Variants in ULK4 observed in about 807,000 individuals in gnomAD.
ULK4 encodes unc-51 like kinase 4, also known as inactive serine/threonine-protein kinase ULK4.
A neutral mutation model predicts 160.6 loss-of-function variants in ULK4; 133 were observed. That is an observed-to-expected ratio of 0.83 (90% confidence interval 0.72 to 0.96). ULK4 has a LOEUF of 0.96. Ranked by LOEUF, ULK4 falls within the 40% of genes least tolerant of loss-of-function variation. The pLI, the probability that ULK4 is intolerant of heterozygous loss-of-function variation, is 0.00. For synonymous variants in ULK4, 534 were observed against 539.8 expected (o/e 0.99, Z 0.15); for missense variants, 1,580 against 1,499.5 (o/e 1.05, Z -0.89).
rs115449137 is a variant in ULK4, at chr3:41,907,726, A to G, written c.1182+119T>C. ...CTTACAAGAAAAACCTATAATGATC[A>G]GCAAAGATGACCTTATTGTAAATTT... On this transcript the variant is annotated intron_variant, in intron 12 of 36. Coordinates refer to ENST00000301831, the MANE Select transcript of ULK4 (RefSeq NM_017886.4). 5.3e-3 allele frequency: 2,954 copies of G among 556,250 alleles called. 68 individuals are homozygous for G. The highest frequency in any genetic ancestry group is 0.053 in the African/African-American group (2,710 of 51,256). The allele number at this position is 556,250 out of a possible 1,614,324, so 34.5% of individuals were successfully genotyped here.
intron 32 of ULK4, among the ~76,000 whole-genome samples, chr3:41,494,010 A>G (rs1448307262): frequency 1.4e-5 from 2 of 145,190 alleles, no homozygotes; most frequent in African/African-American, 2.5e-5. Flanking sequence ...ACAAGGAGGA[A>G]CTGGTACCAT....
intron 35 of ULK4, among the ~76,000 whole-genome samples, chr3:41,380,960 A>G (rs1188795624): frequency 3.3e-5 from 5 of 152,054 alleles, no homozygotes; most frequent in Admixed American, 2.6e-4. Context: ...GGCCTGGAGA[A>G]GGCTCCTTGG....
intron 35 of ULK4, among the ~76,000 whole-genome samples, chr3:41,319,648 C>T (rs2080211389): frequency 1.3e-5 from 2 of 152,208 alleles, no homozygotes; most frequent in South Asian, 4.1e-4. Flanking sequence ...ATTTTTTAAA[C>T]ATCTAACATT....
At chr3:41,639,191 T>TAG (rs1255135908) in intron 30 of ULK4, among the ~76,000 whole-genome samples, 2 of 152,180 alleles carry the variant, frequency 1.3e-5, no homozygotes, top group African/African-American at 4.8e-5. Context: ...GTTTCTGAAT[T>TAG]AGCTGTATGA....
chr3:41,888,017 T>G (rs1203732373), intron 16 of ULK4, among the ~76,000 whole-genome samples: 1 of 150,668 alleles, frequency 6.6e-6, no homozygotes, highest in Non-Finnish European at 1.5e-5. Flanking sequence ...AAAAAAAAAA[T>G]GTTTTTAATT....
At chr3:41,574,598 G>C (rs1222452541) in intron 31 of ULK4, among the ~76,000 whole-genome samples, 1 of 139,508 alleles carries the variant, frequency 7.2e-6, no homozygotes, top group Non-Finnish European at 1.5e-5. Flanking sequence ...CTGCAGTGCA[G>C]TGGCAAGATC....
At chr3:41,428,594 A>T (rs2082830939) in intron 34 of ULK4, among the ~76,000 whole-genome samples, 2 of 152,174 alleles carry the variant, frequency 1.3e-5, no homozygotes, top group Non-Finnish European at 2.9e-5. Context: ...GGAATAGAAT[A>T]GAGATCTCAG....
chr3:41,861,808 C>G (rs1227819777), intron 17 of ULK4, among the ~76,000 whole-genome samples: 1 of 151,986 alleles, frequency 6.6e-6, no homozygotes, highest in Admixed American at 6.6e-5. Context: ...TTTTCTAGAT[C>G]TTGTAGGCGT....
intron 5 of ULK4, among the ~76,000 whole-genome samples, chr3:41,927,855 G>C (rs1244944104): frequency 2.6e-5 from 4 of 151,656 alleles, no homozygotes; most frequent in African/African-American, 9.7e-5. Context: ...GATTCATAAA[G>C]CAAGTTCTTA....
At chr3:41,305,661 G>C (rs371920293) in intron 35 of ULK4, among the ~76,000 whole-genome samples, 2 of 152,046 alleles carry the variant, frequency 1.3e-5, no homozygotes, top group East Asian at 3.9e-4. Context: ...GAAGTGAGGA[G>C]CGTCTCTGCC....
At chr3:41,372,605 C>T (rs1366651330) in intron 35 of ULK4, among the ~76,000 whole-genome samples, 1 of 152,142 alleles carries the variant, frequency 6.6e-6, no homozygotes, top group African/African-American at 2.4e-5. Context: ...GATTTTGTCA[C>T]CACCAGGCCT....
At chr3:41,349,088 T>C (rs1487081936) in intron 35 of ULK4, among the ~76,000 whole-genome samples, 4 of 152,208 alleles carry the variant, frequency 2.6e-5, no homozygotes, top group African/African-American at 9.6e-5. Context: ...TGATGCATTC[T>C]GAGCACATCT....
chr3:41,882,204 A>G, intron 17 of ULK4: 1 of 703,046 alleles, frequency 1.4e-6, no homozygotes. Context: ...CTATACATAC[A>G]CAAGGCACTG....
intron 22 of ULK4, among the ~76,000 whole-genome samples, chr3:41,730,550 T>C (rs1308837767): frequency 6.6e-6 from 1 of 152,116 alleles, no homozygotes; most frequent in Non-Finnish European, 1.5e-5. Flanking sequence ...ATACACGCAG[T>C]CTATCAAAAT....
intron 31 of ULK4, among the ~76,000 whole-genome samples, chr3:41,575,147 C>T (rs1379044820): frequency 6.6e-6 from 1 of 152,170 alleles, no homozygotes; most frequent in East Asian, 1.9e-4. Flanking sequence ...GGGTGAGAAA[C>T]AGGGAAGGGA....
intron 4 of ULK4, among the ~76,000 whole-genome samples, chr3:41,933,950 A>C (rs879350933): frequency 1.3e-5 from 2 of 152,118 alleles, no homozygotes; most frequent in Non-Finnish European, 2.9e-5. Flanking sequence ...AGGCAGGAGA[A>C]TCGCTTGAAC....
chr3:41,643,123 T>G (rs1184799184), intron 30 of ULK4, among the ~76,000 whole-genome samples: 1 of 152,216 alleles, frequency 6.6e-6, no homozygotes, highest in Non-Finnish European at 1.5e-5. Flanking sequence ...TGTGAAAATT[T>G]TCTCCCATTT....
intron 34 of ULK4, among the ~76,000 whole-genome samples, chr3:41,454,479 G>C (rs2083494913): frequency 6.8e-6 from 1 of 147,306 alleles, no homozygotes; most frequent in Admixed American, 6.9e-5. Context: ...GGCGGATGCT[G>C]CAGTGAGCTG....
At chr3:41,377,094 T>C (rs1467453437) in intron 35 of ULK4, among the ~76,000 whole-genome samples, 2 of 152,214 alleles carry the variant, frequency 1.3e-5, no homozygotes, top group East Asian at 3.9e-4. Flanking sequence ...ATCTGATCTT[T>C]GACAAACCTG....
Sources: allele counts gnomAD v4.1 joint callset (sites outside exome capture counted in the v4.1 genomes callset), GRCh38; gene constraint gnomAD v4.1.1; transcripts MANE v1.5; gene names NCBI Gene and HGNC (gene_info 2026-07-23, HGNC 2026-07-21).